Variants in SMG9 observed in about 807,000 individuals in gnomAD.
SMG9 encodes the protein SMG9 nonsense mediated mRNA decay factor.
SMG9 carries 55 observed loss-of-function variants against 64.0 expected under a neutral mutation model. That is an observed-to-expected ratio of 0.86 (90% CI 0.69 to 1.08). The LOEUF is 1.08. Among genes scored for constraint, SMG9 ranks in the 50% least tolerant of loss-of-function variants. The pLI, the probability that SMG9 is intolerant of heterozygous loss-of-function variation, is 0.00. For missense variants in SMG9, 554 were observed against 681.3 expected (o/e 0.81, Z 2.08); for synonymous variants, 244 against 254.8 (o/e 0.96, Z 0.41).
chr19:43,738,130 C>T lies in SMG9; in HGVS notation c.901G>A (p.Glu301Lys). ...PEYNLPHTYV[E>K]MQSLQIAAFL... The stretch of plus-strand genomic sequence containing the variant: ...TGGCTTGGCTCCCTCACCTGCATTT[C>T]AACGTAAGTGTGGGGAAGGTTGTAC... The change falls in exon 8 of 14, where the codon GAA becomes AAA. Residue 301 changes from glutamate (E) to lysine (K), a missense_variant. Physicochemically the swap from Glu to Lys is moderately conservative, Grantham distance 56. Transcript: ENST00000270066. The T allele has an allele frequency of 1.9e-6, 3 of 1,614,040 alleles. No individual in the cohort carries two copies. The highest frequency in any genetic ancestry group is 2.7e-5 in the African/African-American group (2 of 75,038).
At chr19:43,752,903 A>C (rs1443178822) in intron 1 of SMG9, among the ~76,000 whole-genome samples, 1 of 110,278 alleles carries the variant, frequency 9.1e-6, no homozygotes, top group Non-Finnish European at 1.8e-5. Flanking sequence ...GACCCTGTCT[A>C]AAAAAAAAAA....
intron 2 of SMG9, chr19:43,748,708 T>C (rs1599658493): frequency 1.9e-6 from 1 of 520,206 alleles, no homozygotes; most frequent in Middle Eastern, 3.2e-4. Flanking sequence ...GGGAGAAATC[T>C]GAGTCTGAGT....
At position 43,732,809 on chromosome 19, in the gene SMG9, C is replaced by T. The variant is rs183157830; in HGVS notation, c.1484+49G>A. 3.3e-5 allele frequency: 53 copies of T among 1,611,194 alleles called. No individual in the cohort carries two copies. The East Asian group carries it at 4.5e-4, about 14-fold the overall frequency. ...TCTAAGGGACGCCCCCTTCTCTCTA[C>T]ACCAGGGTGGGGTGCCTCAAATTGA... On this transcript the variant is annotated intron_variant, in intron 13 of 13. Transcript: ENST00000270066.
At chr19:43,748,898 A>T (rs1024775374) in intron 2 of SMG9, 4 of 495,668 alleles carry the variant, frequency 8.1e-6, no homozygotes, top group Non-Finnish European at 1.6e-5. Context: ...CAAGGGAAAA[A>T]CTACAGGAGG....
chr19:43,752,928 T>A (rs2067857674), intron 1 of SMG9, among the ~76,000 whole-genome samples: 2 of 117,280 alleles, frequency 1.7e-5, no homozygotes, highest in South Asian at 4.9e-4. Context: ...CAGAACCCTG[T>A]CTCAAAAAAA....
At chr19:43,750,116 C>T in intron 2 of SMG9, 3 of 520,112 alleles carry the variant, frequency 5.8e-6, no homozygotes, top group South Asian at 4.2e-5. Flanking sequence ...TCAGCTCAAA[C>T]TCTCCAATGC....
At chr19:43,732,602 T>A (rs1600188660) in intron 13 of SMG9, 2 of 502,722 alleles carry the variant, frequency 4.0e-6, no homozygotes, top group East Asian at 7.6e-5. Context: ...GAGCCTAAAT[T>A]TCCCCACCAG....
chr19:43,750,301 C>G (rs1969156611), intron 2 of SMG9: 1 of 598,708 alleles, frequency 1.7e-6, no homozygotes, highest in Non-Finnish European at 3.2e-6. Flanking sequence ...CACCTCAGGG[C>G]CTCTGCGCTT....
intron 9 of SMG9, among the ~76,000 whole-genome samples, chr19:43,736,485 C>A (rs994219090): frequency 1.8e-4 from 27 of 152,206 alleles, no homozygotes; most frequent in Admixed American, 3.9e-4. Context: ...CTGAGCCAGT[C>A]TCTTCTGGAG....
chr19:43,736,974 C>T (rs1968690348), intron 9 of SMG9, among the ~76,000 whole-genome samples: 1 of 152,180 alleles, frequency 6.6e-6, no homozygotes, highest in East Asian at 1.9e-4. Context: ...GGCCCTGTGG[C>T]TTTAATAAAG....
At position 43,738,221 on chromosome 19, in the gene SMG9, C is replaced by T. The variant is rs1329653113; in HGVS notation, c.814-4G>A. The T allele has an allele frequency of 1.2e-6, 2 of 1,613,580 alleles. No individual in the cohort carries two copies. The highest frequency in any genetic ancestry group is 1.7e-6 in the Non-Finnish European group (2 of 1,179,666). On this transcript the variant is annotated splice_region_variant and splice_polypyrimidine_tract_variant and intron_variant, in intron 7 of 13. Transcript: ENST00000270066. ...GGATAGAAGGGCTCAGGATGGGCTGCAGCAAGGAAGAGAACAGAGTGTCAC... is the reference window on the plus strand; with the variant it reads ...GGATAGAAGGGCTCAGGATGGGCTGTAGCAAGGAAGAGAACAGAGTGTCAC...
chr19:43,737,540 G>A, intron 9 of SMG9, 57 bp downstream of exon 9: 1 of 1,485,104 alleles, frequency 6.7e-7, no homozygotes. Context: ...CAAGTCTCTG[G>A]GCCTTTGTCT....
chr19:43,734,023 G>T (rs1420923879), intron 10 of SMG9: 12 of 542,750 alleles, frequency 2.2e-5, no homozygotes, highest in Non-Finnish European at 4.0e-5. Context: ...AACAGGCAAA[G>T]GAACGGCATG....
intron 2 of SMG9, chr19:43,748,874 T>A (rs1276422672): frequency 4.0e-6 from 2 of 506,278 alleles, no homozygotes; most frequent in Non-Finnish European, 8.0e-6. Context: ...TGAAAGTGCT[T>A]CGAAAAGAAG....
intron 9 of SMG9, among the ~76,000 whole-genome samples, chr19:43,735,131 C>G (rs1485464308): frequency 6.6e-6 from 1 of 152,202 alleles, no homozygotes; most frequent in Non-Finnish European, 1.5e-5. Flanking sequence ...AAGTATATAG[C>G]ATTTTCAGAT....
rs368024820 is a variant in SMG9, at chr19:43,731,585, T to A, written c.*11A>T. 16 of 1,613,976 alleles carry A rather than the reference T, an allele frequency of 9.9e-6. No homozygotes were observed. The African/African-American group carries it at 2.1e-4, about 22-fold the overall frequency. On this transcript the variant is annotated 3_prime_UTR_variant, in exon 14 of 14. Coordinates refer to ENST00000270066, the MANE Select transcript of SMG9 (RefSeq NM_019108.4). ...CAGGAGGTCCCCTGCATGACATTCCTCTCCTTGGCCTCAGGCCAGCAGGCG... is the reference window on the plus strand; with the variant it reads ...CAGGAGGTCCCCTGCATGACATTCCACTCCTTGGCCTCAGGCCAGCAGGCG...
chr19:43,738,842 A>T (rs1968756123), intron 7 of SMG9, among the ~76,000 whole-genome samples: 1 of 152,230 alleles, frequency 6.6e-6, no homozygotes, highest in South Asian at 2.1e-4. Context: ...TCCTCTTCAC[A>T]GGTCTCTGAC....
chr19:43,751,197 A>G (rs1322452179), intron 1 of SMG9, among the ~76,000 whole-genome samples: 1 of 151,180 alleles, frequency 6.6e-6, no homozygotes. Flanking sequence ...GCAATGGCGT[A>G]ATCTCGGCTC....
In SMG9 at chr19:43,730,282, T is replaced by C. The variant is rs554473761; in HGVS notation, c.*1314A>G. On this transcript the variant is annotated 3_prime_UTR_variant, in exon 14 of 14. Coordinates refer to ENST00000270066, the MANE Select transcript of SMG9 (RefSeq NM_019108.4). ...GCGAGACCAATTTGGAGACATACTT[T>C]GGGAAACCTCAAACTAAGATCATGT... is the stretch of plus-strand genomic sequence containing the variant. 1 of 152,318 alleles carries C rather than the reference T, an allele frequency of 6.6e-6. No individual in the cohort carries two copies. The highest frequency in any genetic ancestry group is 1.9e-4 in the East Asian group (1 of 5,184). The allele number at this position is 152,318 out of a possible 1,614,324, so 9.4% of individuals were successfully genotyped here.
Sources: gnomAD v4.1 joint callset for allele counts (sites outside exome capture counted in the v4.1 genomes callset) on GRCh38, gnomAD v4.1.1 for gene constraint, MANE v1.5 for transcripts, NCBI Gene and HGNC (gene_info 2026-07-23, HGNC 2026-07-21) for gene names.